LPAR1: variants seen among roughly 807,000 people sequenced by gnomAD.
LPAR1 encodes the protein LPA receptor 1.
In LPAR1, 5 loss-of-function variants were observed where a neutral mutation model predicts 23.8. The ratio of observed to expected loss-of-function variants is 0.21; its 90% CI spans 0.11 to 0.44. LPAR1 has a LOEUF of 0.44. LPAR1 is among the 20% of genes least tolerant of loss of function. LPAR1 has a pLI of 0.99. For missense variants in LPAR1, 311 were observed against 482.8 expected, an observed-to-expected ratio of 0.64 and a Z score of 3.33; for synonymous variants, 160 against 164.7, an observed-to-expected ratio of 0.97 and a Z score of 0.22.
chr9:111,007,120 C>T (rs2140390050), intron 2 of LPAR1, among the ~76,000 whole-genome samples: 2 of 152,272 alleles, frequency 1.3e-5, no homozygotes, highest in South Asian at 4.1e-4. Context: ...GCCTCCTCCC[C>T]CTTCACCTAC....
chr9:110,957,007 G>A (rs1255112559), intron 4 of LPAR1, among the ~76,000 whole-genome samples: 2 of 152,100 alleles, frequency 1.3e-5, no homozygotes, highest in African/African-American at 4.8e-5. Context: ...CTATATCCCA[G>A]ATGAACATAG....
At chr9:110,957,507 G>C (rs1044239687) in intron 4 of LPAR1, among the ~76,000 whole-genome samples, 7 of 151,904 alleles carry the variant, frequency 4.6e-5, no homozygotes, top group African/African-American at 1.5e-4. Flanking sequence ...CATCTCAATA[G>C]ATGCAAAAAA....
At chr9:110,960,088 C>A (rs183776398) in intron 4 of LPAR1, among the ~76,000 whole-genome samples, 1 of 152,212 alleles carries the variant, frequency 6.6e-6, no homozygotes, top group Admixed American at 6.5e-5. Flanking sequence ...CATTCGATAG[C>A]AGAGTAGGGT....
At chr9:110,978,350 C>CT (rs2096602544) in intron 2 of LPAR1, among the ~76,000 whole-genome samples, 1 of 152,052 alleles carries the variant, frequency 6.6e-6, no homozygotes, top group Non-Finnish European at 1.5e-5. Context: ...TCAGAGGTAG[C>CT]TGGGGGAAGC....
chr9:110,903,598 T>C (rs551744072), intron 5 of LPAR1, among the ~76,000 whole-genome samples: 12 of 152,186 alleles, frequency 7.9e-5, no homozygotes, highest in Admixed American at 5.2e-4. Flanking sequence ...TTACTCACTA[T>C]GAACAAGAAG....
chr9:110,896,912 C>A (rs924876795), intron 5 of LPAR1, among the ~76,000 whole-genome samples: 1 of 151,466 alleles, frequency 6.6e-6, no homozygotes, highest in African/African-American at 2.4e-5. Context: ...CTCAGCCTCC[C>A]GAGTAGCTGG....
At chr9:111,034,211 T>C (rs2097852104) in intron 2 of LPAR1, among the ~76,000 whole-genome samples, 1 of 152,248 alleles carries the variant, frequency 6.6e-6, no homozygotes, top group African/African-American at 2.4e-5. Context: ...ATCTACTGCC[T>C]TGCCCTATCA....
chr9:110,955,851 CA>C (rs995468525), intron 4 of LPAR1, among the ~76,000 whole-genome samples: 2 of 151,422 alleles, frequency 1.3e-5, no homozygotes, highest in African/African-American at 4.8e-5. Flanking sequence ...TTTCTTGAAA[CA>C]AATGAAAATT....
At chr9:111,015,054 C>T (rs986535488) in intron 2 of LPAR1, among the ~76,000 whole-genome samples, 5 of 151,984 alleles carry the variant, frequency 3.3e-5, no homozygotes, top group South Asian at 2.1e-4. Context: ...CAGGTACAAA[C>T]GAAAAACCAC....
At chr9:110,962,161 T>C (rs562431169) in intron 4 of LPAR1, among the ~76,000 whole-genome samples, 2 of 152,306 alleles carry the variant, frequency 1.3e-5, no homozygotes, top group South Asian at 4.1e-4. Context: ...AGTCTCTCCA[T>C]CTTGACCTAT....
chr9:110,990,927 A>C (rs1014599304), intron 2 of LPAR1, among the ~76,000 whole-genome samples: 1 of 152,170 alleles, frequency 6.6e-6, no homozygotes, highest in African/African-American at 2.4e-5. Flanking sequence ...AAGTATAATA[A>C]ATGATTAAGA....
chr9:110,962,011 A>G (rs1443297315), intron 4 of LPAR1, among the ~76,000 whole-genome samples: 1 of 152,150 alleles, frequency 6.6e-6, no homozygotes, highest in African/African-American at 2.4e-5. Context: ...GATGACTATA[A>G]TCCTCACAAT....
At chr9:111,024,442 TTA>T (rs2097642587) in intron 2 of LPAR1, among the ~76,000 whole-genome samples, 1 of 147,486 alleles carries the variant, frequency 6.8e-6, no homozygotes, top group South Asian at 2.1e-4. Flanking sequence ...TATATAATTT[TTA>T]TATATTTTTA....
chr9:110,968,213 G>A (rs866220903), intron 4 of LPAR1, among the ~76,000 whole-genome samples: 5 of 152,104 alleles, frequency 3.3e-5, no homozygotes, highest in Non-Finnish European at 5.9e-5. Flanking sequence ...ACCCATTTAT[G>A]CTAATTCTAG....
intron 5 of LPAR1, among the ~76,000 whole-genome samples, chr9:110,907,783 C>T (rs960824908): frequency 1.8e-4 from 27 of 151,890 alleles, no homozygotes; most frequent in Admixed American, 2.0e-4. Context: ...CAGATTAAAA[C>T]AGAAAAAGCA....
intron 2 of LPAR1, among the ~76,000 whole-genome samples, chr9:111,007,134 C>T (rs1355624836): frequency 6.6e-6 from 1 of 152,120 alleles, no homozygotes; most frequent in Non-Finnish European, 1.5e-5. Context: ...CACCTACTGC[C>T]ATGACTGTAA....
At chr9:111,016,411 C>T (rs532643317) in intron 2 of LPAR1, among the ~76,000 whole-genome samples, 1 of 152,248 alleles carries the variant, frequency 6.6e-6, no homozygotes, top group East Asian at 1.9e-4. Flanking sequence ...GAAACTTGAC[C>T]TGAACAAATA....
At chr9:110,966,898 T>G (rs1483051480) in intron 4 of LPAR1, among the ~76,000 whole-genome samples, 1 of 152,174 alleles carries the variant, frequency 6.6e-6, no homozygotes, top group Non-Finnish European at 1.5e-5. Context: ...TAATCCAACT[T>G]CTATCCACAG....
chr9:110,945,769 T>C (rs1353020947), intron 4 of LPAR1, among the ~76,000 whole-genome samples: 1 of 152,176 alleles, frequency 6.6e-6, no homozygotes, highest in Non-Finnish European at 1.5e-5. Context: ...TTCTAGAGGC[T>C]GCCCACATCT....
Sources: allele counts gnomAD v4.1 joint callset (sites outside exome capture counted in the v4.1 genomes callset), GRCh38; gene constraint gnomAD v4.1.1; transcripts MANE v1.5; gene names NCBI Gene and HGNC (gene_info 2026-07-23, HGNC 2026-07-21).